Variants in DPH6 observed in about 807,000 individuals in gnomAD.
The protein encoded by DPH6 is diphthamine biosynthesis 6.
In DPH6, 33 loss-of-function variants were observed where a neutral mutation model predicts 38.2. The ratio of observed to expected loss-of-function variants is 0.86; its 90% CI spans 0.65 to 1.15. The LOEUF (loss-of-function observed/expected upper bound fraction) is 1.15. DPH6 is among the 50% of genes most tolerant of loss of function. DPH6 has a pLI of 0.00. For synonymous variants in DPH6, 108 were observed against 103.0 expected, an observed-to-expected ratio of 1.05 and a Z score of -0.30; for missense variants, 325 against 320.0, an observed-to-expected ratio of 1.02 and a Z score of -0.12.
chr15:35,419,347 A>G (rs746650852), intron 5 of DPH6, among the ~76,000 whole-genome samples: 1 of 152,146 alleles, frequency 6.6e-6, no homozygotes, highest in Non-Finnish European at 1.5e-5. Flanking sequence ...TGACTATCTC[A>G]GGAAGGACCT....
chr15:35,491,562 C>G (rs1225875402), intron 3 of DPH6, among the ~76,000 whole-genome samples: 2 of 150,816 alleles, frequency 1.3e-5, no homozygotes, highest in Non-Finnish European at 3.0e-5. Flanking sequence ...CACACACACA[C>G]ACACACACAC....
intron 3 of DPH6, chr15:35,299,327 T>C: frequency 9.8e-7 from 1 of 1,024,396 alleles, no homozygotes; most frequent in Non-Finnish European, 1.6e-6. Flanking sequence ...CTTTGGCTCT[T>C]TGCCTGAGTG....
intron 3 of DPH6, among the ~76,000 whole-genome samples, chr15:35,461,494 G>GCATGCA (rs1156468188): frequency 1.3e-5 from 2 of 152,176 alleles, no homozygotes; most frequent in African/African-American, 4.8e-5. Flanking sequence ...ATGGGAGTAT[G>GCATGCA]CATGCACATG....
intron 3 of DPH6, among the ~76,000 whole-genome samples, chr15:35,307,293 G>A (rs1338531184): frequency 2.0e-5 from 3 of 150,764 alleles, no homozygotes; most frequent in Non-Finnish European, 4.4e-5. Context: ...CACAGAACAT[G>A]TCACCTCAAT....
chr15:35,539,826 C>T (rs990083742), intron 2 of DPH6, among the ~76,000 whole-genome samples: 3 of 152,004 alleles, frequency 2.0e-5, no homozygotes, highest in Admixed American at 6.6e-5. Context: ...TCATCAAAAT[C>T]TGCTACCCCA....
intron 3 of DPH6, among the ~76,000 whole-genome samples, chr15:35,476,661 C>T (rs1595397652): frequency 6.6e-6 from 1 of 151,704 alleles, no homozygotes; most frequent in East Asian, 1.9e-4. Context: ...ATTACAAACT[C>T]ATCAAGATCT....
chr15:35,177,425 T>A, the DPH6 span, among the ~76,000 whole-genome samples: 1 of 124,406 alleles, frequency 8.0e-6, no homozygotes, highest in Non-Finnish European at 1.8e-5. Flanking sequence ...AAAATAATAA[T>A]AATAATAAAA....
At chr15:35,151,652 G>C in the DPH6 span, among the ~76,000 whole-genome samples, 1 of 152,326 alleles carries the variant, frequency 6.6e-6, no homozygotes. Flanking sequence ...GTGTGGCTGT[G>C]AGTTTAAGTG....
chr15:35,187,721 C>T, the DPH6 span, among the ~76,000 whole-genome samples: 1 of 152,218 alleles, frequency 6.6e-6, no homozygotes, highest in East Asian at 1.9e-4. Context: ...TGCAATGGCT[C>T]ATGCCTGTAA....
intron 3 of DPH6, among the ~76,000 whole-genome samples, chr15:35,362,045 A>G (rs1488106278): frequency 6.6e-6 from 1 of 152,082 alleles, no homozygotes; most frequent in Non-Finnish European, 1.5e-5. Context: ...TTGAAAAAGC[A>G]AATGTCTCTT....
intron 5 of DPH6, among the ~76,000 whole-genome samples, chr15:35,424,537 G>T (rs1010761055): frequency 3.3e-5 from 5 of 151,166 alleles, no homozygotes; most frequent in Admixed American, 2.0e-4. Flanking sequence ...TAATTTGAAT[G>T]TCTTTTATTT....
chr15:35,387,784 G>A (rs1046493527), intron 6 of DPH6, among the ~76,000 whole-genome samples: 3 of 152,138 alleles, frequency 2.0e-5, no homozygotes, highest in Non-Finnish European at 4.4e-5. Context: ...CATGTCATCT[G>A]CAAACAGGGA....
At chr15:35,496,639 T>C (rs1347789468) in intron 3 of DPH6, among the ~76,000 whole-genome samples, 1 of 125,874 alleles carries the variant, frequency 7.9e-6, no homozygotes, top group Non-Finnish European at 1.7e-5. Flanking sequence ...AATAGAAAAA[T>C]GAGCAACAGA....
chr15:35,178,722 G>A, the DPH6 span, among the ~76,000 whole-genome samples: 7 of 152,080 alleles, frequency 4.6e-5, no homozygotes, highest in Non-Finnish European at 1.0e-4. Flanking sequence ...TAAATATATG[G>A]TCAGAGCCAG....
intron 3 of DPH6, among the ~76,000 whole-genome samples, chr15:35,350,127 C>A (rs965415662): frequency 4.6e-5 from 7 of 152,070 alleles, no homozygotes; most frequent in Admixed American, 4.6e-4. Flanking sequence ...TCTCCTTACT[C>A]GTTATTGGTC....
At chr15:35,414,810 A>G (rs1440104372) in intron 5 of DPH6, among the ~76,000 whole-genome samples, 2 of 149,438 alleles carry the variant, frequency 1.3e-5, no homozygotes, top group Non-Finnish European at 3.0e-5. Flanking sequence ...TTTTTTCATG[A>G]CTATGTTTCA....
chr15:35,244,239 G>A (rs919512305), intron 3 of DPH6, among the ~76,000 whole-genome samples: 2 of 152,166 alleles, frequency 1.3e-5, no homozygotes, highest in African/African-American at 4.8e-5. Flanking sequence ...TTCCAAACTA[G>A]TTCTTACTAT....
intron 3 of DPH6, among the ~76,000 whole-genome samples, chr15:35,311,080 C>CAA (rs1164885654): frequency 1.5e-5 from 2 of 134,294 alleles, no homozygotes; most frequent in East Asian, 2.1e-4. Context: ...ACAACAACAA[C>CAA]AAAAAAAAAA....
At chr15:35,387,409 T>C (rs1248156780) in intron 6 of DPH6, among the ~76,000 whole-genome samples, 2 of 152,216 alleles carry the variant, frequency 1.3e-5, no homozygotes, top group Admixed American at 6.5e-5. Flanking sequence ...GGGGATGGCA[T>C]TGAATCTATA....
Sources: allele counts gnomAD v4.1 joint callset (sites outside exome capture counted in the v4.1 genomes callset), GRCh38; gene constraint gnomAD v4.1.1; transcripts MANE v1.5; gene names NCBI Gene and HGNC (gene_info 2026-07-23, HGNC 2026-07-21).